AGPAT3: variants seen among roughly 807,000 people sequenced by gnomAD.
AGPAT3 encodes 1-acylglycerol-3-phosphate O-acyltransferase 3, also known as 1-acyl-sn-glycerol-3-phosphate acyltransferase gamma.
Under a neutral mutation model 47.3 loss-of-function variants are expected in AGPAT3, and 5 were observed. The ratio of observed to expected loss-of-function variants is 0.11; its 90% confidence interval spans 0.06 to 0.22. The LOEUF (loss-of-function observed/expected upper bound fraction) is 0.22, where lower values mean the gene tolerates loss of function less well. Among genes scored for constraint, AGPAT3 ranks in the 10% least tolerant of loss-of-function variants. AGPAT3 has a pLI of 1.00. For missense variants in AGPAT3, 315 were observed against 493.0 expected, an observed-to-expected ratio of 0.64 and a Z score of 3.42; for synonymous variants, 212 against 208.3, an observed-to-expected ratio of 1.02 and a Z score of -0.15.
At chr21:43,971,337 A>C (rs750668394) in intron 6 of AGPAT3, 51 bp from the exon 7 acceptor site, 1 of 1,549,942 alleles carries the variant, frequency 6.5e-7, no homozygotes. Flanking sequence ...TCTGGCAGTG[A>C]CCATGCAGCC....
chr21:43,938,583 C>T (rs142718645), intron 2 of AGPAT3, among the ~76,000 whole-genome samples: 406 of 152,226 alleles, frequency 2.7e-3, no homozygotes, highest in Non-Finnish European at 5.0e-3. Context: ...TGTGAGCCAC[C>T]GTGCCCGGCC....
intron 1 of AGPAT3, chr21:43,867,866 C>G (rs1385845381): frequency 1.3e-5 from 2 of 152,000 alleles, no homozygotes; most frequent in East Asian, 3.8e-4. Flanking sequence ...TGGGAATTTA[C>G]TTTTGGTTAA....
intron 3 of AGPAT3, among the ~76,000 whole-genome samples, chr21:43,962,223 T>C (rs975871690): frequency 2.6e-5 from 4 of 152,176 alleles, no homozygotes; most frequent in East Asian, 3.9e-4. Flanking sequence ...AGGATGGTTT[T>C]GATCTCCTGA....
chr21:43,906,532 G>A lies in AGPAT3; in HGVS notation c.-49+2513G>A, dbSNP rs558301650. Among the ~76,000 whole-genome samples the A allele has an allele frequency of 3.4e-4, 52 of 152,268 alleles. 1 individual carries two copies. Among genetic ancestry groups the A allele is most frequent in the African/African-American group, 4.8e-4 (20 of 41,550 alleles). ...AGTCAGCAGATTGGCTAAAACCAAC[G>A]AGACAGATAAGGCCAGAGTTGATGA... On this transcript the variant is annotated intron_variant, in intron 2 of 9. Transcript: ENST00000291572.
intron 2 of AGPAT3, among the ~76,000 whole-genome samples, chr21:43,937,959 G>A (rs2087503439): frequency 6.6e-6 from 1 of 152,084 alleles, no homozygotes; most frequent in South Asian, 2.1e-4. Context: ...CATATTTTGG[G>A]GTGACTGTGC....
At chr21:43,904,101 TG>T (rs1399157839) in intron 2 of AGPAT3, 82 bp downstream of exon 2, 2 of 151,012 alleles carry the variant, frequency 1.3e-5, no homozygotes, top group African/African-American at 4.9e-5. Context: ...TGTGTGTGTG[TG>T]TATGTGTCCA....
rs375015203 is a variant in AGPAT3 at position 43,868,528 on chromosome 21, G to A, written c.-112+3183G>A. 3.6e-4 allele frequency among the ~76,000 whole-genome samples: 55 copies of A among 152,284 alleles called. 1 individual carries two copies. The South Asian group carries it at 0.011, about 30-fold the overall frequency. On this transcript the variant is annotated intron_variant, in intron 1 of 9. Coordinates refer to ENST00000291572, the MANE Select transcript of AGPAT3 (RefSeq NM_020132.5). ...AGATGGTCTCGATTCCTTTCTGAAA[G>A]CGGGTAGAGAATGAAATGCATAATA...
At chr21:43,894,816 T>C (rs977147266) in intron 1 of AGPAT3, among the ~76,000 whole-genome samples, 1 of 152,232 alleles carries the variant, frequency 6.6e-6, no homozygotes, top group Non-Finnish European at 1.5e-5. Context: ...TTCATTCCTA[T>C]GAAAAGGCAT....
intron 3 of AGPAT3, chr21:43,967,257 G>C (rs914817854): frequency 2.6e-5 from 4 of 152,480 alleles, no homozygotes; most frequent in African/African-American, 9.7e-5. Context: ...ACCCCTGGGT[G>C]GGGGGGACAA....
rs1367620282 is a variant in AGPAT3, at chr21:43,880,256, T to TGAG, written c.-112+14913_-112+14915dup. On this transcript the variant is annotated intron_variant, in intron 1 of 9. Transcript: ENST00000291572. This position sits in a 1 kb window ranked among gnomAD's most constrained non-coding sequence, Gnocchi z 4.5. ...GAATCACTTCATGGCTCAGCACAGC[T>TGAG]GAGGGCAGCAACTGTTGTCCCCTAG... Among the ~76,000 whole-genome samples, 2 of 152,188 alleles carry TGAG rather than the reference T, an allele frequency of 1.3e-5. No individual in the cohort carries two copies. Among genetic ancestry groups the TGAG allele is most frequent in the Non-Finnish European group, 2.9e-5 (2 of 68,040 alleles).
In AGPAT3 at chr21:43,932,748, T is replaced by C. The variant is rs2087296138; in HGVS notation, c.-48-26886T>C. ...TCACTGCAAGCTCCGCCTCTTGGGT[T>C]CAAGCGATTCTTTTGCTTCAGCCTC... On this transcript the variant is annotated intron_variant, in intron 2 of 9. Transcript: ENST00000291572. This position sits in a 1 kb window ranked among gnomAD's most constrained non-coding sequence, Gnocchi z 5.2. Among the ~76,000 whole-genome samples, 1 of 152,236 alleles carries C rather than the reference T, an allele frequency of 6.6e-6. No homozygotes were observed. The highest frequency in any genetic ancestry group is 2.4e-5 in the African/African-American group (1 of 41,464).
At chr21:43,959,207 G>A (rs2088685958) in intron 2 of AGPAT3, among the ~76,000 whole-genome samples, 1 of 137,662 alleles carries the variant, frequency 7.3e-6, no homozygotes, top group Non-Finnish European at 1.6e-5. Context: ...GGTGTGTGAT[G>A]TGTGGCATGT....
chr21:43,960,644 A>G (rs1452746867), intron 3 of AGPAT3: 2 of 613,518 alleles, frequency 3.3e-6, no homozygotes, highest in Non-Finnish European at 4.1e-6. Context: ...GCACAAAACT[A>G]GAAGCAACCC....
At chr21:43,890,715 G>GTT (rs34632493) in intron 1 of AGPAT3, among the ~76,000 whole-genome samples, 3,142 of 143,708 alleles carry the variant, frequency 0.022, 84 homozygotes, top group African/African-American at 0.068. Flanking sequence ...GCCCAGCCAG[G>GTT]TTTTTTTTTT....
rs980629155 is a variant in AGPAT3, at chr21:43,981,977, T to C, written c.1043-327T>C. Among the ~76,000 whole-genome samples the C allele has an allele frequency of 2.0e-5, 3 of 152,224 alleles. No individual in the cohort carries two copies. Among genetic ancestry groups the C allele is most frequent in the African/African-American group, 7.2e-5 (3 of 41,452 alleles). ...GTCCACCTCTGTCACCTGTTGGGTT[T>C]GCAAGGCCGAGCTGTTAGAATGCCC... On this transcript the variant is annotated intron_variant, in intron 9 of 9. Coordinates refer to ENST00000291572, the MANE Select transcript of AGPAT3 (RefSeq NM_020132.5). The surrounding 1 kb of genome is among the most constrained non-coding windows in gnomAD (Gnocchi z 5.3).
Position 43,907,306 on chromosome 21 carries a change from G to A in AGPAT3, c.-49+3287G>A, listed in dbSNP as rs185812770. Among the ~76,000 whole-genome samples the A allele has an allele frequency of 1.2e-4, 18 of 152,236 alleles. No individual in the cohort carries two copies. The East Asian group carries it at 2.9e-3, about 24-fold the overall frequency. On this transcript the variant is annotated intron_variant, in intron 2 of 9. Transcript: ENST00000291572. ...CGGCCTCCCAAAGTAGTTGGGATTC[G>A]TTTCTTGATCTGGGTGCTGCTGGTC...
intron 2 of AGPAT3, among the ~76,000 whole-genome samples, chr21:43,916,799 A>G (rs145815190): frequency 1.6e-4 from 25 of 152,292 alleles, no homozygotes; most frequent in Middle Eastern, 3.4e-3. Flanking sequence ...GTTCGCACAC[A>G]CAGCACAGAC....
rs567977789 is a variant in AGPAT3 at position 43,958,273 on chromosome 21, CTTG to C, written c.-48-1356_-48-1354del. Among the ~76,000 whole-genome samples, 106 of 150,922 alleles carry C rather than the reference CTTG, an allele frequency of 7.0e-4. No individual in the cohort carries two copies. The Middle Eastern group carries it at 0.014, about 19-fold the overall frequency. ...GTGTGGCATGTTTATGTGTATAGTG[CTTG>C]TTGTGTGTGTGAGACTGTGGTGCAT... is the stretch of plus-strand genomic sequence containing the variant. On this transcript the variant is annotated intron_variant, in intron 2 of 9. Transcript: ENST00000291572.
chr21:43,961,006 G>C (rs2088805867), intron 3 of AGPAT3, among the ~76,000 whole-genome samples: 1 of 152,074 alleles, frequency 6.6e-6, no homozygotes, highest in South Asian at 2.1e-4. Flanking sequence ...TGAGCATGGT[G>C]GTACACACCT....
Sources: allele counts gnomAD v4.1 joint callset (sites outside exome capture counted in the v4.1 genomes callset), GRCh38; gene constraint gnomAD v4.1.1; non-coding constraint Gnocchi (gnomAD v3.1); transcripts MANE v1.5; gene names NCBI Gene and HGNC (gene_info 2026-07-23, HGNC 2026-07-21).